The following NECAB1 variants were observed in gnomAD, a reference collection of about 807,000 sequenced individuals.
NECAB1 encodes the protein N-terminal EF-hand calcium binding protein 1, also known as N-terminal EF-hand calcium-binding protein 1.
In NECAB1, 29 loss-of-function variants were observed where a neutral mutation model predicts 57.5. That is an observed-to-expected ratio of 0.50 (90% CI 0.38 to 0.69). The LOEUF (loss-of-function observed/expected upper bound fraction) is 0.69. Among genes scored for constraint, NECAB1 ranks in the 30% least tolerant of loss-of-function variants. The pLI is 0.00. For synonymous variants in NECAB1, 142 were observed against 147.7 expected (o/e 0.96, Z 0.28); for missense variants, 372 against 413.8 (o/e 0.90, Z 0.88).
chr8:90,888,558 GTTA>G (rs1363614501), intron 5 of NECAB1, among the ~76,000 whole-genome samples: 3 of 152,162 alleles, frequency 2.0e-5, no homozygotes, highest in Admixed American at 6.5e-5. Context: ...ATAGGCATCA[GTTA>G]TTATCATGTT....
At chr8:90,925,801 A>T (rs1810251243) in intron 7 of NECAB1, 145 bp downstream of exon 7, 1 of 1,159,302 alleles carries the variant, frequency 8.6e-7, no homozygotes. Context: ...AGCAGTGAAG[A>T]GTGTAGTATG....
At chr8:90,921,662 GA>G (rs1397334017) in intron 6 of NECAB1, among the ~76,000 whole-genome samples, 1 of 149,670 alleles carries the variant, frequency 6.7e-6, no homozygotes, top group Non-Finnish European at 1.5e-5. Flanking sequence ...CAACAAAAGC[GA>G]AACTCCATCT....
At chr8:90,916,979 A>G (rs2050823069) in intron 5 of NECAB1, among the ~76,000 whole-genome samples, 1 of 152,212 alleles carries the variant, frequency 6.6e-6, no homozygotes, top group South Asian at 2.1e-4. Flanking sequence ...AATTTTAAAT[A>G]ACTACACATA....
At chr8:90,805,370 C>T (rs1245124246) in intron 2 of NECAB1, among the ~76,000 whole-genome samples, 1 of 151,810 alleles carries the variant, frequency 6.6e-6, no homozygotes, top group Non-Finnish European at 1.5e-5. Flanking sequence ...TGTTCGCCTG[C>T]CCAGAGGACA....
At chr8:90,895,573 AATAAT>A (rs1024780098) in intron 5 of NECAB1, among the ~76,000 whole-genome samples, 1 of 152,230 alleles carries the variant, frequency 6.6e-6, no homozygotes, top group Non-Finnish European at 1.5e-5. Flanking sequence ...TCTCCAATCA[AATAAT>A]ATAATAACAG....
intron 3 of NECAB1, among the ~76,000 whole-genome samples, chr8:90,856,807 G>A (rs146179280): frequency 8.5e-5 from 13 of 152,304 alleles, no homozygotes; most frequent in Admixed American, 1.3e-4. Flanking sequence ...TACCATGCAC[G>A]TATCAAGGTA....
chr8:90,912,730 GA>G (rs981074738), intron 5 of NECAB1, among the ~76,000 whole-genome samples: 26 of 147,544 alleles, frequency 1.8e-4, no homozygotes, highest in Admixed American at 3.4e-4. Flanking sequence ...TCCCAGTTTG[GA>G]AAAAAAAAAT....
At chr8:90,843,506 C>T (rs188219483) in intron 3 of NECAB1, among the ~76,000 whole-genome samples, 2 of 152,294 alleles carry the variant, frequency 1.3e-5, no homozygotes, top group African/African-American at 2.4e-5. Context: ...TATTGCTTAG[C>T]GTGTAGCAGA....
rs571817327 is a variant in NECAB1 at position 90,881,343 on chromosome 8, A to C, written c.357+213A>C. Among the ~76,000 whole-genome samples, 6 of 152,216 alleles carry C rather than the reference A, an allele frequency of 3.9e-5. No individual in the cohort carries two copies. The South Asian group carries it at 1.2e-3, about 32-fold the overall frequency. The stretch of plus-strand genomic sequence containing the variant: ...TTGTGTTGAGGATACAAAGATACAA[A>C]GAGCTGTTAGAATAGCTCTCAGCCT... On this transcript the variant is annotated intron_variant, in intron 5 of 12. Coordinates refer to ENST00000417640, the MANE Select transcript of NECAB1 (RefSeq NM_022351.5).
At chr8:90,905,136 T>C (rs1809607567) in intron 5 of NECAB1, among the ~76,000 whole-genome samples, 1 of 152,092 alleles carries the variant, frequency 6.6e-6, no homozygotes, top group Non-Finnish European at 1.5e-5. Flanking sequence ...CCAAGAGAAT[T>C]TGCAAAACTT....
intron 5 of NECAB1, among the ~76,000 whole-genome samples, chr8:90,907,759 A>G (rs1809726503): frequency 6.6e-6 from 1 of 152,198 alleles, no homozygotes; most frequent in Admixed American, 6.5e-5. Context: ...CCACTGGAAA[A>G]AAAAGTCTTA....
chr8:90,854,897 C>G (rs1247369166), intron 3 of NECAB1, among the ~76,000 whole-genome samples: 2 of 152,200 alleles, frequency 1.3e-5, no homozygotes, highest in Non-Finnish European at 2.9e-5. Flanking sequence ...TAATTGGGAT[C>G]TCTCTCCAAG....
At chr8:90,860,235 T>A (rs1812874989) in intron 3 of NECAB1, among the ~76,000 whole-genome samples, 1 of 124,130 alleles carries the variant, frequency 8.1e-6, no homozygotes, top group South Asian at 2.3e-4. Context: ...GTTTCTTTTT[T>A]TTCTTTTTTT....
chr8:90,834,272 G>A (rs1812335444), intron 3 of NECAB1, among the ~76,000 whole-genome samples: 1 of 151,026 alleles, frequency 6.6e-6, no homozygotes, highest in Admixed American at 6.6e-5. Flanking sequence ...TTTTTCAAGA[G>A]CAATTTTTTA....
intron 10 of NECAB1, among the ~76,000 whole-genome samples, chr8:90,944,457 ATTGT>A (rs780190049): frequency 5.3e-5 from 8 of 152,210 alleles, no homozygotes; most frequent in South Asian, 2.1e-4. Flanking sequence ...ATACACACAC[ATTGT>A]TTGATACAAC....
chr8:90,856,987 C>A (rs541988632), intron 3 of NECAB1, among the ~76,000 whole-genome samples: 5 of 152,296 alleles, frequency 3.3e-5, no homozygotes, highest in Admixed American at 2.0e-4. Context: ...TAATTAAGTG[C>A]TGACAACAGA....
chr8:90,881,857 G>T (rs1031884563), intron 5 of NECAB1, among the ~76,000 whole-genome samples: 1 of 152,210 alleles, frequency 6.6e-6, no homozygotes, highest in Non-Finnish European at 1.5e-5. Context: ...CTGGAGATGA[G>T]ATGACACCTG....
At chr8:90,919,148 G>A (rs944370961) in intron 6 of NECAB1, among the ~76,000 whole-genome samples, 13 of 152,124 alleles carry the variant, frequency 8.5e-5, no homozygotes, top group Non-Finnish European at 1.5e-4. Context: ...AATGTGTAGG[G>A]CACACATCAA....
intron 5 of NECAB1, among the ~76,000 whole-genome samples, chr8:90,886,418 A>T (rs1185066997): frequency 6.6e-6 from 1 of 152,146 alleles, no homozygotes; most frequent in East Asian, 1.9e-4. Flanking sequence ...TTCCCGTGGT[A>T]AACTGTCTTT....
Sources: gnomAD v4.1 joint callset for allele counts (sites outside exome capture counted in the v4.1 genomes callset) on GRCh38, gnomAD v4.1.1 for gene constraint, MANE v1.5 for transcripts, NCBI Gene and HGNC (gene_info 2026-07-23, HGNC 2026-07-21) for gene names.